The following TUBA1A variants were observed in gnomAD, a reference collection of about 807,000 sequenced individuals.
The protein encoded by TUBA1A is tubulin alpha-1A chain.
In TUBA1A, 7 loss-of-function variants were observed where a neutral mutation model predicts 34.6. That is an observed-to-expected ratio of 0.20 (90% CI 0.11 to 0.38). The LOEUF is 0.38. Among genes scored for constraint, TUBA1A ranks in the 10% least tolerant of loss-of-function variants. TUBA1A has a pLI of 1.00. For synonymous variants in TUBA1A, 193 were observed against 210.2 expected (o/e 0.92, Z 0.71); for missense variants, 19 against 581.3 (o/e 0.03, Z 9.95).
In TUBA1A at chr12:49,188,724, CAGGCGCCT is replaced by C; in HGVS notation, c.3+245_3+252del. 6.9e-7 allele frequency: 1 copy of C among 1,449,158 alleles called. No individual in the cohort carries two copies. The allele number at this position is 1,449,158 out of a possible 1,614,324, so 89.8% of individuals were successfully genotyped here. A position where few individuals can be genotyped will look rare whatever the true frequency, so the allele number is the denominator to read the frequency against. On this transcript the variant is annotated intron_variant, in intron 1 of 3. Coordinates refer to ENST00000301071, the MANE Select transcript of TUBA1A (RefSeq NM_006009.4). This position sits in a 1 kb window ranked among gnomAD's most constrained non-coding sequence, Gnocchi z 4.9. ...GCCCCCGAAAGTCTCTCGGATAACA[CAGGCGCCT>C]AGGCGCCGCCTTTGTTCCTCCCCAG...
In TUBA1A at chr12:49,186,281, A is replaced by C. The variant is rs751960161; in HGVS notation, c.375+29T>G. The C allele has an allele frequency of 3.1e-6, 5 of 1,612,660 alleles. No individual in the cohort carries two copies. The highest frequency in any genetic ancestry group is 4.2e-6 in the Non-Finnish European group (5 of 1,180,026). On this transcript the variant is annotated intron_variant, in intron 3 of 3. Coordinates refer to ENST00000301071, the MANE Select transcript of TUBA1A (RefSeq NM_006009.4). The surrounding 1 kb of genome is among the most constrained non-coding windows in gnomAD (Gnocchi z 6.6). Reference sequence around the variant, plus strand: ...TCAAATGTGTTCTTTAGGCTCATTAATTTACTTTATTCTTGAAAAGAAACA... The same window carrying C: ...TCAAATGTGTTCTTTAGGCTCATTACTTTACTTTATTCTTGAAAAGAAACA...
rs934774741 is a variant in TUBA1A at position 49,188,337 on chromosome 12, C to T, written c.3+640G>A. 6.6e-7 allele frequency: 1 copy of T among 1,524,642 alleles called. No homozygotes were observed. The highest frequency in any genetic ancestry group is 8.8e-7 in the Non-Finnish European group (1 of 1,138,812). 94.4% of individuals were successfully genotyped at this position (1,524,642 alleles called of 1,614,324 possible). On this transcript the variant is annotated intron_variant, in intron 1 of 3. Coordinates refer to ENST00000301071, the MANE Select transcript of TUBA1A (RefSeq NM_006009.4). The surrounding 1 kb of genome is among the most constrained non-coding windows in gnomAD (Gnocchi z 4.9). ...GGCGAACCCCGCCCAGTGGCTCCAACGCCATAGAAGCCAGAAACAAACAAC... is the reference window on the plus strand; with the variant it reads ...GGCGAACCCCGCCCAGTGGCTCCAATGCCATAGAAGCCAGAAACAAACAAC...
In TUBA1A at chr12:49,188,861, T is replaced by G. The variant is rs991544135; in HGVS notation, c.3+116A>C. 10 of 1,610,686 alleles carry G rather than the reference T, an allele frequency of 6.2e-6. No homozygotes were observed. The Admixed American group carries it at 1.5e-4, about 24-fold the overall frequency. Reference sequence around the variant, plus strand: ...GGGCTAAGCTAAACCTCACAAAACATACCACCACCCTCGCCCAGAGAGCTT... The same window carrying G: ...GGGCTAAGCTAAACCTCACAAAACAGACCACCACCCTCGCCCAGAGAGCTT... On this transcript the variant is annotated intron_variant, in intron 1 of 3. Coordinates refer to ENST00000301071, the MANE Select transcript of TUBA1A (RefSeq NM_006009.4). The surrounding 1 kb of genome is among the most constrained non-coding windows in gnomAD (Gnocchi z 4.9).
Position 49,188,703 on chromosome 12 carries a change from C to T in TUBA1A, c.3+274G>A, listed in dbSNP as rs1270393141. On this transcript the variant is annotated intron_variant, in intron 1 of 3. Transcript: ENST00000301071. The surrounding 1 kb of genome is among the most constrained non-coding windows in gnomAD (Gnocchi z 4.9). The stretch of plus-strand genomic sequence containing the variant: ...GCGGCAGACGGGCTGCCCGCGGCCC[C>T]CGAAAGTCTCTCGGATAACACAGGC... The T allele has an allele frequency of 4.9e-6, 7 of 1,439,764 alleles. No individual in the cohort carries two copies. The highest frequency in any genetic ancestry group is 6.3e-6 in the Non-Finnish European group (7 of 1,104,238). 89.2% of individuals were successfully genotyped at this position (1,439,764 alleles called of 1,614,324 possible). A position where few individuals can be genotyped will look rare whatever the true frequency, so the allele number is the denominator to read the frequency against.
At position 49,188,176 on chromosome 12, in the gene TUBA1A, G is replaced by A; in HGVS notation, c.3+801C>T. 3 of 984,472 alleles carry A rather than the reference G, an allele frequency of 3.0e-6. No homozygotes were observed. Among genetic ancestry groups the A allele is most frequent in the South Asian group, 9.4e-5 (2 of 21,236 alleles). 61.0% of individuals were successfully genotyped at this position (984,472 alleles called of 1,614,324 possible). A position where few individuals can be genotyped will look rare whatever the true frequency, so the allele number is the denominator to read the frequency against. On this transcript the variant is annotated intron_variant, in intron 1 of 3. Coordinates refer to ENST00000301071, the MANE Select transcript of TUBA1A (RefSeq NM_006009.4). This position sits in a 1 kb window ranked among gnomAD's most constrained non-coding sequence, Gnocchi z 4.9. ...TTAAAGAGCTTGTGAAGTGAATTAT[G>A]ATTTTGCTCAAGAAAAAAAAAAGTC...
intron 1 of TUBA1A, chr12:49,187,607 A>T (rs2335231): frequency 0.36 from 349,571 of 970,496 alleles, 63,279 homozygotes; most frequent in East Asian, 0.71. Context: ...TTTTTTTTTT[A>T]AAAAAAAAGG....
rs3206694 is a variant in TUBA1A, at chr12:49,185,118, A to G, written c.1248T>C (p.Gly416=). The G allele has an allele frequency of 2.0e-5, 33 of 1,613,818 alleles. No individual in the cohort carries two copies. Among genetic ancestry groups the G allele is most frequent in the Middle Eastern group, 1.6e-4 (1 of 6,082 alleles). ...TGTCCTCACGGGCCTCTGAAAACTC[A>G]CCTTCCTCCATCCCCTCCCCAACGT... The part of the protein sequence containing the change: ...HWYVGEGMEE[G]EFSEAREDMA... Residue 416 remains glycine (G), a synonymous_variant, in exon 4 of 4, where the codon GGT becomes GGC. Coordinates refer to ENST00000301071, the MANE Select transcript of TUBA1A (RefSeq NM_006009.4).
Position 49,188,520 on chromosome 12 carries a change from C to T in TUBA1A, c.3+457G>A. 6.6e-7 allele frequency: 1 copy of T among 1,516,040 alleles called. No homozygotes were observed. 93.9% of individuals were successfully genotyped at this position (1,516,040 alleles called of 1,614,324 possible). ...TGCGCTTTGTTCCCGTTCCCCCTCC[C>T]ACGTCCCCCAGCTCGCCCAACGCCC... is the stretch of plus-strand genomic sequence containing the variant. On this transcript the variant is annotated intron_variant, in intron 1 of 3. Coordinates refer to ENST00000301071, the MANE Select transcript of TUBA1A (RefSeq NM_006009.4). This position sits in a 1 kb window ranked among gnomAD's most constrained non-coding sequence, Gnocchi z 4.9.
chr12:49,187,674 A>T (rs541454472), intron 1 of TUBA1A: 80 of 985,104 alleles, frequency 8.1e-5, no homozygotes, highest in Non-Finnish European at 9.5e-5. Flanking sequence ...CTTAACACAC[A>T]CACACACAAA....
Position 49,189,063 on chromosome 12 carries a change from C to G in TUBA1A, c.-84G>C. ...TCTTACAGCGCGACTCTTAGGCGGT[C>G]GATGTAAGAGAACCTGCGGCACATA... On this transcript the variant is annotated 5_prime_UTR_variant, in exon 1 of 4. Transcript: ENST00000301071. 6.3e-7 allele frequency: 1 copy of G among 1,583,652 alleles called. No homozygotes were observed. Among genetic ancestry groups the G allele is most frequent in the Non-Finnish European group, 8.7e-7 (1 of 1,152,576 alleles).
rs1331994633 is a variant in TUBA1A, at chr12:49,188,409, A to G, written c.3+568T>C. On this transcript the variant is annotated intron_variant, in intron 1 of 3. Coordinates refer to ENST00000301071, the MANE Select transcript of TUBA1A (RefSeq NM_006009.4). This position sits in a 1 kb window ranked among gnomAD's most constrained non-coding sequence, Gnocchi z 4.9. Reference sequence around the variant, plus strand: ...CACCCGCTGCCGGGGGCTCCGGCAGAAACTCACCATGTTTTCCCGGGAATG... The same window carrying G: ...CACCCGCTGCCGGGGGCTCCGGCAGGAACTCACCATGTTTTCCCGGGAATG... 2.0e-6 allele frequency: 3 copies of G among 1,535,826 alleles called. No homozygotes were observed. In the South Asian group the frequency reaches 3.6e-5, roughly 18 times the overall value.
Position 49,184,882 on chromosome 12 carries a change from A to C in TUBA1A, c.*128T>G. 1 of 1,477,072 alleles carries C rather than the reference A, an allele frequency of 6.8e-7. No individual in the cohort carries two copies. Among genetic ancestry groups the C allele is most frequent in the Non-Finnish European group, 9.4e-7 (1 of 1,059,382 alleles). 91.5% of individuals were successfully genotyped at this position (1,477,072 alleles called of 1,614,324 possible). A position where few individuals can be genotyped will look rare whatever the true frequency, so the allele number is the denominator to read the frequency against. On this transcript the variant is annotated 3_prime_UTR_variant, in exon 4 of 4. Transcript: ENST00000301071. ...TAACAAAGCATTCATGTTTTAGAGCATAGGTCAGTAATTGTATATGAGAGC... is the reference window on the plus strand; with the variant it reads ...TAACAAAGCATTCATGTTTTAGAGCCTAGGTCAGTAATTGTATATGAGAGC...
rs989962103 is a variant in TUBA1A at position 49,188,908 on chromosome 12, G to A, written c.3+69C>T. ...GCTTACGAAAGAAAAGAGCTTAAAG[G>A]TTTTCCAAGTAGAGCCTGGGGGCGC... On this transcript the variant is annotated intron_variant, in intron 1 of 3. Coordinates refer to ENST00000301071, the MANE Select transcript of TUBA1A (RefSeq NM_006009.4). This position sits in a 1 kb window ranked among gnomAD's most constrained non-coding sequence, Gnocchi z 4.9. 1.2e-5 allele frequency: 20 copies of A among 1,613,898 alleles called. No homozygotes were observed. In the African/African-American group the frequency reaches 1.3e-4, roughly 11 times the overall value.
At chr12:49,187,449 A>G in intron 1 of TUBA1A, 1 of 987,734 alleles carries the variant, frequency 1.0e-6, no homozygotes, top group Non-Finnish European at 1.2e-6. Flanking sequence ...TGCCTACATG[A>G]TCTCATTGTG....
At chr12:49,187,725 AAAG>A (rs1024306366) in intron 1 of TUBA1A, 62 of 984,062 alleles carry the variant, frequency 6.3e-5, no homozygotes, top group Non-Finnish European at 6.9e-5. Context: ...AAAAGGTACC[AAAG>A]AATAAAAGCC....
intron 1 of TUBA1A, 198 bp from the exon 2 acceptor site, chr12:49,187,031 G>A: frequency 6.9e-7 from 1 of 1,457,316 alleles, no homozygotes; most frequent in South Asian, 1.5e-5. Flanking sequence ...GAATAATGAT[G>A]TCGCCTTGGC....
Position 49,188,261 on chromosome 12 carries a change from G to C in TUBA1A, c.3+716C>G, listed in dbSNP as rs1450857509. The C allele has an allele frequency of 5.1e-6, 5 of 984,524 alleles. No homozygotes were observed. The highest frequency in any genetic ancestry group is 3.6e-6 in the Non-Finnish European group (3 of 829,278). The allele number at this position is 984,524 out of a possible 1,614,324, so 61.0% of individuals were successfully genotyped here. A position where few individuals can be genotyped will look rare whatever the true frequency, so the allele number is the denominator to read the frequency against. The stretch of plus-strand genomic sequence containing the variant: ...AGCCTACAGTTCCGCAATGATGAAA[G>C]GTTTTTTTGTTTTTTTTTCAGTCAG... On this transcript the variant is annotated intron_variant, in intron 1 of 3. Transcript: ENST00000301071. The surrounding 1 kb of genome is among the most constrained non-coding windows in gnomAD (Gnocchi z 4.9).
Position 49,188,915 on chromosome 12 carries a change from A to T in TUBA1A, c.3+62T>A. On this transcript the variant is annotated intron_variant, in intron 1 of 3. Coordinates refer to ENST00000301071, the MANE Select transcript of TUBA1A (RefSeq NM_006009.4). The surrounding 1 kb of genome is among the most constrained non-coding windows in gnomAD (Gnocchi z 4.9). The stretch of plus-strand genomic sequence containing the variant: ...AAAGAAAAGAGCTTAAAGGTTTTCC[A>T]AGTAGAGCCTGGGGGCGCTGACTCC... 1 of 1,614,148 alleles carries T rather than the reference A, an allele frequency of 6.2e-7. No homozygotes were observed. The highest frequency in any genetic ancestry group is 8.5e-7 in the Non-Finnish European group (1 of 1,180,046).
intron 1 of TUBA1A, chr12:49,187,862 T>C (rs1281072675): frequency 5.1e-6 from 5 of 983,454 alleles, no homozygotes; most frequent in South Asian, 9.4e-5. Context: ...CTCTGTGGTC[T>C]TTAGGGCTAC....
Sources: allele counts gnomAD v4.1 joint callset, GRCh38; gene constraint gnomAD v4.1.1; non-coding constraint Gnocchi (gnomAD v3.1); transcripts MANE v1.5; gene names NCBI Gene and HGNC (gene_info 2026-07-23, HGNC 2026-07-21).